NCKAP5: variants seen among roughly 807,000 people sequenced by gnomAD.
The protein encoded by NCKAP5 is nck-associated protein 5.
In NCKAP5, 92 loss-of-function variants were observed where a neutral mutation model predicts 167.0. The observed-to-expected ratio is 0.55, with a 90% CI of 0.47 to 0.66. The LOEUF (loss-of-function observed/expected upper bound fraction) is 0.66. Among genes scored for constraint, NCKAP5 ranks in the 30% least tolerant of loss-of-function variants. The pLI, the probability that NCKAP5 is intolerant of heterozygous loss-of-function variation, is 0.00. For synonymous variants in NCKAP5, 891 were observed against 877.4 expected (o/e 1.02, Z -0.27); for missense variants, 2,378 against 2,315.0 (o/e 1.03, Z -0.56).
chr2:132,681,227 G>T (rs1308812328), intron 19 of NCKAP5, among the ~76,000 whole-genome samples: 1 of 151,874 alleles, frequency 6.6e-6, no homozygotes, highest in Non-Finnish European at 1.5e-5. Flanking sequence ...CTCAAGTAAG[G>T]TTAAGAATTT....
intron 16 of NCKAP5, among the ~76,000 whole-genome samples, chr2:132,767,465 C>T (rs1237963704): frequency 2.0e-5 from 3 of 152,106 alleles, no homozygotes; most frequent in African/African-American, 2.4e-5. Flanking sequence ...AGGCTGGTCT[C>T]GAACTCCTGA....
the NCKAP5 span, among the ~76,000 whole-genome samples, chr2:133,574,764 C>A: frequency 1.3e-5 from 2 of 152,066 alleles, no homozygotes; most frequent in African/African-American, 2.4e-5. Flanking sequence ...CCTTACAGAT[C>A]AGAGGAAGAG....
rs568926452 is a variant in NCKAP5 at position 133,092,163 on chromosome 2, T to C, written c.341+37815A>G. Among the ~76,000 whole-genome samples, 250 of 152,282 alleles carry C rather than the reference T, an allele frequency of 1.6e-3. 1 individual carries two copies. Among genetic ancestry groups the C allele is most frequent in the South Asian group, 0.013 (63 of 4,824 alleles). ...TATGAATTTATTTGGAAATAGGATA[T>C]TTGTAGGTATAGGCAGTTAAGACAA... is the stretch of plus-strand genomic sequence containing the variant. On this transcript the variant is annotated intron_variant, in intron 6 of 19. Transcript: ENST00000409261.
chr2:133,472,497 C>G (rs971332569), intron 3 of NCKAP5, among the ~76,000 whole-genome samples: 5 of 151,872 alleles, frequency 3.3e-5, no homozygotes, highest in South Asian at 2.1e-4. Context: ...TTTAGGCTCC[C>G]CTCCACCACC....
chr2:133,443,857 C>G (rs1213448581), intron 3 of NCKAP5, among the ~76,000 whole-genome samples: 2 of 152,134 alleles, frequency 1.3e-5, no homozygotes, highest in Admixed American at 1.3e-4. Flanking sequence ...ACTTTTGAAC[C>G]TAGAAGTCAA....
At chr2:132,883,271 A>T (rs141734354) in intron 8 of NCKAP5, among the ~76,000 whole-genome samples, 2,346 of 151,080 alleles carry the variant, frequency 0.016, 22 homozygotes, top group Middle Eastern at 0.048. Flanking sequence ...CCCTCCTATT[A>T]CATATCCAAC....
At chr2:132,860,138 A>C (rs974685894) in intron 11 of NCKAP5, among the ~76,000 whole-genome samples, 1 of 152,228 alleles carries the variant, frequency 6.6e-6, no homozygotes, top group Non-Finnish European at 1.5e-5. Flanking sequence ...TTGGCACTAC[A>C]TAAAATTCTT....
intron 5 of NCKAP5, among the ~76,000 whole-genome samples, chr2:133,179,885 G>C (rs2084655192): frequency 6.6e-6 from 1 of 152,044 alleles, no homozygotes. Context: ...TACGTCCTCA[G>C]AGTTTTTGAG....
intron 11 of NCKAP5, among the ~76,000 whole-genome samples, chr2:132,808,235 C>T (rs144003293): frequency 0.018 from 2,717 of 151,954 alleles, 77 homozygotes; most frequent in African/African-American, 0.063. Flanking sequence ...TGGTTGTATC[C>T]TTTCCTGGTT....
chr2:133,506,113 C>A (rs1306374038), intron 3 of NCKAP5, among the ~76,000 whole-genome samples: 1 of 152,166 alleles, frequency 6.6e-6, no homozygotes, highest in Non-Finnish European at 1.5e-5. Context: ...ATCCACTAGA[C>A]CACCCTCCCT....
At chr2:133,359,273 T>C (rs1404245996) in intron 3 of NCKAP5, among the ~76,000 whole-genome samples, 4 of 152,252 alleles carry the variant, frequency 2.6e-5, no homozygotes, top group African/African-American at 9.6e-5. Context: ...CCTTTGTGCA[T>C]TTCTCACGTC....
rs940132329 is a variant in NCKAP5 at position 133,064,733 on chromosome 2, G to A, written c.341+65245C>T. Among the ~76,000 whole-genome samples the A allele has an allele frequency of 7.2e-5, 11 of 152,286 alleles. No homozygotes were observed. The South Asian group carries it at 2.1e-3, about 29-fold the overall frequency. The stretch of plus-strand genomic sequence containing the variant: ...ACTTAAGACAATGGAAAGAAAAAAG[G>A]CAGTGACTGTGATTCTAATCCAAAC... On this transcript the variant is annotated intron_variant, in intron 6 of 19. Coordinates refer to ENST00000409261, the MANE Select transcript of NCKAP5 (RefSeq NM_207363.3).
intron 8 of NCKAP5, among the ~76,000 whole-genome samples, chr2:132,922,317 G>C (rs1273673609): frequency 1.3e-5 from 2 of 152,194 alleles, no homozygotes; most frequent in Non-Finnish European, 2.9e-5. Context: ...CAGAGAGTAG[G>C]AGAGAAGAGT....
chr2:132,892,477 T>C (rs1392223821), intron 8 of NCKAP5, among the ~76,000 whole-genome samples: 1 of 152,186 alleles, frequency 6.6e-6, no homozygotes, highest in Non-Finnish European at 1.5e-5. Flanking sequence ...ACTTTCAAGC[T>C]AGGGTGGACT....
chr2:133,134,587 T>C (rs1158684988), intron 5 of NCKAP5, among the ~76,000 whole-genome samples: 1 of 152,204 alleles, frequency 6.6e-6, no homozygotes, highest in Non-Finnish European at 1.5e-5. Context: ...TATTTGGACA[T>C]GAGCAAAGAG....
chr2:132,797,599 T>C (rs1684706923), intron 11 of NCKAP5, among the ~76,000 whole-genome samples: 1 of 152,226 alleles, frequency 6.6e-6, no homozygotes, highest in Non-Finnish European at 1.5e-5. Flanking sequence ...AAGTAAATAA[T>C]GCAGCTAAGC....
chr2:132,903,979 C>T (rs1693819025), intron 8 of NCKAP5, among the ~76,000 whole-genome samples: 1 of 152,028 alleles, frequency 6.6e-6, no homozygotes, highest in Non-Finnish European at 1.5e-5. Context: ...GTAAATATTT[C>T]CCCACACCAT....
chr2:133,092,603 G>A (rs58243416), intron 6 of NCKAP5, among the ~76,000 whole-genome samples: 9,999 of 152,010 alleles, frequency 0.066, 1,063 homozygotes, highest in African/African-American at 0.22. Context: ...TTTTTTCAAC[G>A]TCATTTCATT....
chr2:133,344,386 C>T (rs190393201), intron 3 of NCKAP5, among the ~76,000 whole-genome samples: 2,109 of 137,984 alleles, frequency 0.015, 22 homozygotes, highest in Middle Eastern at 0.046. Context: ...CCAGCCTGGG[C>T]GACAAAGTGA....
Sources: gnomAD v4.1 joint callset for allele counts (sites outside exome capture counted in the v4.1 genomes callset) on GRCh38, gnomAD v4.1.1 for gene constraint, MANE v1.5 for transcripts, NCBI Gene and HGNC (gene_info 2026-07-23, HGNC 2026-07-21) for gene names.